The following GRIN2B variants were observed in gnomAD, a reference collection of about 807,000 sequenced individuals.
GRIN2B encodes the protein glutamate receptor ionotropic, NMDA 2B.
A neutral mutation model predicts 114.5 loss-of-function variants in GRIN2B; 5 were observed. The ratio of observed to expected loss-of-function variants is 0.04; its 90% CI spans 0.02 to 0.09. The LOEUF (loss-of-function observed/expected upper bound fraction) is 0.09, where lower values mean the gene tolerates loss of function less well. GRIN2B is among the 10% of genes least tolerant of loss of function. The pLI, the probability that GRIN2B is intolerant of heterozygous loss-of-function variation, is 1.00. For synonymous variants in GRIN2B, 787 were observed against 745.1 expected (o/e 1.06, Z -0.92); for missense variants, 1,108 against 1,943.5 (o/e 0.57, Z 8.08).
At chr12:13,976,417 A>G (rs1203142330) in intron 2 of GRIN2B, among the ~76,000 whole-genome samples, 1 of 152,232 alleles carries the variant, frequency 6.6e-6, no homozygotes, top group African/African-American at 2.4e-5. Flanking sequence ...GTAGAATGGC[A>G]CTGAGGAAAA....
At chr12:13,867,129 C>A (rs1186134082) in intron 2 of GRIN2B, among the ~76,000 whole-genome samples, 2 of 152,150 alleles carry the variant, frequency 1.3e-5, no homozygotes, top group African/African-American at 4.8e-5. Context: ...AAACAAATAC[C>A]ATTAGCAGCT....
At chr12:13,635,697 TTC>T (rs1949660573) in intron 5 of GRIN2B, among the ~76,000 whole-genome samples, 1 of 152,290 alleles carries the variant, frequency 6.6e-6, no homozygotes, top group South Asian at 2.1e-4. Context: ...AAGCAAGGCA[TTC>T]TGTTTCATTT....
chr12:13,644,814 G>A (rs1183494196), intron 5 of GRIN2B, among the ~76,000 whole-genome samples: 1 of 152,098 alleles, frequency 6.6e-6, no homozygotes, highest in Non-Finnish European at 1.5e-5. Context: ...AGTAACCTCT[G>A]CTAACTTCTA....
intron 5 of GRIN2B, among the ~76,000 whole-genome samples, chr12:13,630,436 T>C (rs1393071066): frequency 6.6e-6 from 1 of 152,228 alleles, no homozygotes; most frequent in African/African-American, 2.4e-5. Flanking sequence ...ACTCTGAGTT[T>C]AGCTTTGTGA....
At chr12:13,878,428 GC>G (rs1866023793) in intron 2 of GRIN2B, among the ~76,000 whole-genome samples, 1 of 152,172 alleles carries the variant, frequency 6.6e-6, no homozygotes, top group Non-Finnish European at 1.5e-5. Flanking sequence ...ACACCCAGCT[GC>G]TACTAGCTCC....
At chr12:13,832,710 G>C (rs1298437633) in intron 3 of GRIN2B, among the ~76,000 whole-genome samples, 1 of 151,946 alleles carries the variant, frequency 6.6e-6, no homozygotes, top group Non-Finnish European at 1.5e-5. Flanking sequence ...CTTCATCACT[G>C]AACATGTAAA....
chr12:13,896,145 T>C (rs1866349219), intron 2 of GRIN2B, among the ~76,000 whole-genome samples: 1 of 152,038 alleles, frequency 6.6e-6, no homozygotes, highest in Non-Finnish European at 1.5e-5. Context: ...GAGGAGAGAT[T>C]AGGTTTAACA....
intron 3 of GRIN2B, among the ~76,000 whole-genome samples, chr12:13,767,701 T>C (rs1863823948): frequency 6.6e-6 from 1 of 152,168 alleles, no homozygotes; most frequent in African/African-American, 2.4e-5. Context: ...AGATCATGGG[T>C]TAAGTTTGCA....
intron 10 of GRIN2B, among the ~76,000 whole-genome samples, chr12:13,587,334 C>CATTTCTTTTT: frequency 6.7e-6 from 1 of 149,274 alleles, no homozygotes. Context: ...CTTTTCTTTT[C>CATTTCTTTTT]TTTTTATTTC....
intron 2 of GRIN2B, among the ~76,000 whole-genome samples, chr12:13,931,544 C>T (rs966835831): frequency 6.6e-6 from 1 of 152,174 alleles, no homozygotes; most frequent in African/African-American, 2.4e-5. Context: ...TAAATGACTG[C>T]ATCCATATCC....
intron 3 of GRIN2B, among the ~76,000 whole-genome samples, chr12:13,842,685 G>A (rs1233558468): frequency 6.6e-6 from 1 of 152,056 alleles, no homozygotes; most frequent in Non-Finnish European, 1.5e-5. Context: ...TCAAAATGTT[G>A]ACTTCTTGCA....
chr12:13,813,977 G>C (rs192916515), intron 3 of GRIN2B, among the ~76,000 whole-genome samples: 1 of 152,186 alleles, frequency 6.6e-6, no homozygotes, highest in Non-Finnish European at 1.5e-5. Context: ...GGATTCTTCA[G>C]ATCAACATGG....
At chr12:13,949,334 C>T (rs1867431846) in intron 2 of GRIN2B, among the ~76,000 whole-genome samples, 1 of 152,162 alleles carries the variant, frequency 6.6e-6, no homozygotes, top group Admixed American at 6.5e-5. Context: ...ATCTTTCCAA[C>T]TCCTAGGCCC....
intron 4 of GRIN2B, among the ~76,000 whole-genome samples, chr12:13,747,224 G>T (rs547188493): frequency 2.0e-5 from 3 of 152,250 alleles, no homozygotes; most frequent in African/African-American, 7.2e-5. Flanking sequence ...TACTGTAGGG[G>T]GTCTCAGTGT....
At chr12:13,613,909 C>T (rs1003123670) in intron 8 of GRIN2B, among the ~76,000 whole-genome samples, 3 of 151,622 alleles carry the variant, frequency 2.0e-5, no homozygotes, top group Non-Finnish European at 4.4e-5. Context: ...TATTAATGTA[C>T]CACTGGCTCT....
At chr12:13,976,849 T>C (rs1361050069) in intron 2 of GRIN2B, among the ~76,000 whole-genome samples, 1 of 152,150 alleles carries the variant, frequency 6.6e-6, no homozygotes, top group Non-Finnish European at 1.5e-5. Flanking sequence ...CAAGGTAATA[T>C]TGTGGCCAAG....
intron 10 of GRIN2B, among the ~76,000 whole-genome samples, chr12:13,595,172 T>C (rs535471194): frequency 1.3e-5 from 2 of 152,330 alleles, no homozygotes; most frequent in South Asian, 4.1e-4. Flanking sequence ...TAATTCTTGC[T>C]CCACATAGAG....
At chr12:13,739,770 C>T (rs768269660) in intron 4 of GRIN2B, among the ~76,000 whole-genome samples, 1 of 152,184 alleles carries the variant, frequency 6.6e-6, no homozygotes, top group East Asian at 1.9e-4. Flanking sequence ...GAAGGAAGCG[C>T]ATCCCTAAGG....
chr12:13,913,452 C>T (rs1360588765), intron 2 of GRIN2B, among the ~76,000 whole-genome samples: 1 of 152,140 alleles, frequency 6.6e-6, no homozygotes, highest in African/African-American at 2.4e-5. Flanking sequence ...GTGCTGGAGG[C>T]AGGGAAGGAA....
Sources: allele counts gnomAD v4.1 joint callset (sites outside exome capture counted in the v4.1 genomes callset), GRCh38; gene constraint gnomAD v4.1.1; transcripts MANE v1.5; gene names NCBI Gene and HGNC (gene_info 2026-07-23, HGNC 2026-07-21).